The following GMFG variants were observed in gnomAD, a reference collection of about 807,000 sequenced individuals.
GMFG encodes the protein glia maturation factor gamma.
A neutral mutation model predicts 26.1 loss-of-function variants in GMFG; 21 were observed. That is an observed-to-expected ratio of 0.80 (90% confidence interval 0.57 to 1.16). The LOEUF (loss-of-function observed/expected upper bound fraction) is 1.16. Among genes scored for constraint, GMFG ranks in the 50% most tolerant of loss-of-function variants. GMFG has a pLI of 0.00. For missense variants in GMFG, 161 were observed against 178.3 expected (o/e 0.90, Z 0.55); for synonymous variants, 65 against 60.8 (o/e 1.07, Z -0.32).
intron 6 of GMFG, 49 bp downstream of exon 6, chr19:39,328,951 A>T (rs2075214813): frequency 3.8e-6 from 5 of 1,299,746 alleles, no homozygotes; most frequent in Non-Finnish European, 4.5e-6. Context: ...CAGACCCAGG[A>T]CCCACACCAC....
intron 4 of GMFG, 112 bp downstream of exon 4, chr19:39,332,965 A>T: frequency 1.5e-6 from 1 of 680,596 alleles, no homozygotes; most frequent in Non-Finnish European, 2.6e-6. Flanking sequence ...GGCCAAACAC[A>T]GAGATTCAAA....
chr19:39,333,414 C>G (rs2075235175), intron 3 of GMFG, among the ~76,000 whole-genome samples: 4 of 151,824 alleles, frequency 2.6e-5, no homozygotes, highest in Non-Finnish European at 4.4e-5. Context: ...CCACTGCACT[C>G]CAGCCTGGGA....
chr19:39,328,703 A>C (rs1460060902), intron 6 of GMFG, 155 bp from the exon 7 acceptor site: 8 of 629,532 alleles, frequency 1.3e-5, no homozygotes, highest in Non-Finnish European at 2.3e-5. Flanking sequence ...ATATGGTGAA[A>C]CCCTGACTCT....
chr19:39,336,024 T>C lies in GMFG; in HGVS notation c.-48A>G, dbSNP rs1207341316. 1 of 1,564,104 alleles carries C rather than the reference T, an allele frequency of 6.4e-7. No individual in the cohort carries two copies. The highest frequency in any genetic ancestry group is 2.2e-5 in the East Asian group (1 of 44,708). ...TTCTTTTCTTAGTTCCGCTGTCTTC[T>C]AGGCGTGGGGACCGGGGCTGTAGGG... On this transcript the variant is annotated 5_prime_UTR_variant, in exon 1 of 7. Coordinates refer to ENST00000597595, the MANE Select transcript of GMFG (RefSeq NM_004877.4).
intron 1 of GMFG, 102 bp from the exon 2 acceptor site, chr19:39,335,633 G>T: frequency 1.2e-6 from 1 of 835,864 alleles, no homozygotes; most frequent in Non-Finnish European, 2.1e-6. Context: ...GCATCGCGCC[G>T]GCCCATCTGA....
chr19:39,328,500 C>T lies in GMFG; in HGVS notation c.406G>A (p.Glu136Lys), dbSNP rs34035414. 1 of 1,613,188 alleles carries T rather than the reference C, an allele frequency of 6.2e-7. No individual in the cohort carries two copies. Among genetic ancestry groups the T allele is most frequent in the Non-Finnish European group, 8.5e-7 (1 of 1,179,184 alleles). The change falls in exon 7 of 7, where the codon GAA becomes AAA. Residue 136 changes from glutamate (E) to lysine (K), a missense_variant. Transcript: ENST00000597595. ...TDDLTEAWLQ[E>K]KLSFFR ...GATCAACGAAAGAAAGACAACTTTT[C>T]TTGGAGCCAGGCCTCAGTGAGGTCA...
Position 39,336,036 on chromosome 19 carries a change from C to G in GMFG, c.-60G>C. The stretch of plus-strand genomic sequence containing the variant: ...TTCCGCTGTCTTCTAGGCGTGGGGA[C>G]CGGGGCTGTAGGGGGGCGGGCTGTG... On this transcript the variant is annotated 5_prime_UTR_variant, in exon 1 of 7. Transcript: ENST00000597595. 6.9e-7 allele frequency: 1 copy of G among 1,457,320 alleles called. No homozygotes were observed. Among genetic ancestry groups the G allele is most frequent in the Non-Finnish European group, 9.6e-7 (1 of 1,037,940 alleles). 90.3% of individuals were successfully genotyped at this position (1,457,320 alleles called of 1,614,324 possible).
At chr19:39,335,938 G>GC (rs759498683) in intron 1 of GMFG, 36 bp downstream of exon 1, 4 of 1,298,412 alleles carry the variant, frequency 3.1e-6, no homozygotes, top group Non-Finnish European at 4.5e-6. Flanking sequence ...CCCAACCCCA[G>GC]CCCCAGCTCT....
At chr19:39,335,183 T>C (rs2075243934) in intron 3 of GMFG, 78 bp downstream of exon 3, 1 of 1,123,824 alleles carries the variant, frequency 8.9e-7, no homozygotes, top group East Asian at 2.4e-5. Context: ...CATGCCAGGC[T>C]CTTCATATCA....
Position 39,335,568 on chromosome 19 carries a change from G to A in GMFG, c.4-37C>T. On this transcript the variant is annotated intron_variant, in intron 1 of 6. Transcript: ENST00000597595. ...ACCCAGGAAGAGCTGAAATGGCCTGGCCTCAGCCCTCACCCCTTCCCCAAA... is the reference window on the plus strand; with the variant it reads ...ACCCAGGAAGAGCTGAAATGGCCTGACCTCAGCCCTCACCCCTTCCCCAAA... 3 of 1,385,476 alleles carry A rather than the reference G, an allele frequency of 2.2e-6. No homozygotes were observed. The South Asian group carries it at 3.5e-5, about 16-fold the overall frequency. The allele number at this position is 1,385,476 out of a possible 1,614,324, so 85.8% of individuals were successfully genotyped here. A position where few individuals can be genotyped will look rare whatever the true frequency, so the allele number is the denominator to read the frequency against.
intron 3 of GMFG, 35 bp from the exon 4 acceptor site, chr19:39,333,161 G>A (rs1306856102): frequency 6.8e-7 from 1 of 1,469,704 alleles, no homozygotes; most frequent in African/African-American, 1.4e-5. Flanking sequence ...GACAAAGAAT[G>A]AGGCAGGGCG....
chr19:39,335,637 C>A, intron 1 of GMFG, 106 bp from the exon 2 acceptor site: 1 of 806,486 alleles, frequency 1.2e-6, no homozygotes, highest in South Asian at 1.4e-5. Context: ...CGCGCCGGCC[C>A]ATCTGATGCC....
chr19:39,332,559 G>A (rs1326201974), intron 4 of GMFG, among the ~76,000 whole-genome samples: 1 of 148,458 alleles, frequency 6.7e-6, no homozygotes, highest in African/African-American at 2.5e-5. Context: ...CTCTTAAACC[G>A]GTATCATAAA....
rs1307238979 is a variant in GMFG, at chr19:39,335,434, C to T, written c.100+1G>A. On this transcript the variant is annotated splice_donor_variant, in intron 2 of 6. Transcript: ENST00000597595. LOFTEE classifies it high-confidence loss of function. Reference sequence around the variant, plus strand: ...CTTCTGTGGGGGAAGATGTCACTCACTTATGATGGCTGCATTGTCTGTCTC... The same window carrying T: ...CTTCTGTGGGGGAAGATGTCACTCATTTATGATGGCTGCATTGTCTGTCTC... 6.2e-7 allele frequency: 1 copy of T among 1,611,272 alleles called. No individual in the cohort carries two copies. The highest frequency in any genetic ancestry group is 1.3e-5 in the African/African-American group (1 of 74,988).
At chr19:39,335,945 C>G (rs2075248088) in intron 1 of GMFG, 29 bp downstream of exon 1, 3 of 1,490,278 alleles carry the variant, frequency 2.0e-6, no homozygotes, top group South Asian at 1.1e-5. Flanking sequence ...CCAGCCCCAG[C>G]TCTTCCCATA....
chr19:39,329,192 G>A (rs2075216240), intron 5 of GMFG, 119 bp from the exon 6 acceptor site: 2 of 669,626 alleles, frequency 3.0e-6, no homozygotes, highest in South Asian at 3.5e-5. Context: ...TTCTAAGGAG[G>A]TCCCTGCACT....
At position 39,333,100 on chromosome 19, in the gene GMFG, C is replaced by A. The variant is rs2075233752; in HGVS notation, c.177G>T (p.Met59Ile). The A allele has an allele frequency of 1.3e-6, 2 of 1,597,476 alleles. No individual in the cohort carries two copies. Among genetic ancestry groups the A allele is most frequent in the African/African-American group, 1.3e-5 (1 of 74,382 alleles). Residue 59 changes from methionine (M) to isoleucine (I), a missense_variant, in exon 4 of 7, where the codon ATG (methionine) becomes ATT (isoleucine). Met to Ile is a conservative substitution (Grantham distance 10). Coordinates refer to ENST00000597595, the MANE Select transcript of GMFG (RefSeq NM_004877.4). ...ACCTGGGCTGTCTCTCCGGCAACTC[C>A]ATTTTGAGCTCCTCTGGGGAAATGT... ...FQNISPEELK[M>I]ELPERQPRFV...
At position 39,335,502 on chromosome 19, in the gene GMFG, G is replaced by C. The variant is rs765121529; in HGVS notation, c.33C>G (p.Asp11Glu). ...TCCTCAGCTTTTCTGTTAGCTCTGG[G>C]TCTACCTCGCACACCACCAGGGAGT... is the stretch of plus-strand genomic sequence containing the variant. MSDSLVVCEV[D>E]PELTEKLRKF... Residue 11 changes from aspartate to glutamate, a missense_variant, in exon 2 of 7, where the codon GAC (aspartate) becomes GAG (glutamate). Transcript: ENST00000597595. The C allele has an allele frequency of 6.2e-7, 1 of 1,613,836 alleles. No individual in the cohort carries two copies. Among genetic ancestry groups the C allele is most frequent in the South Asian group, 1.1e-5 (1 of 91,086 alleles).
At chr19:39,332,409 C>T (rs962106449) in intron 4 of GMFG, among the ~76,000 whole-genome samples, 1 of 151,522 alleles carries the variant, frequency 6.6e-6, no homozygotes, top group South Asian at 2.1e-4. Flanking sequence ...CTCAGGTGAT[C>T]CTCCCGCCTC....
Sources: gnomAD v4.1 joint callset for allele counts (sites outside exome capture counted in the v4.1 genomes callset) on GRCh38, gnomAD v4.1.1 for gene constraint, MANE v1.5 for transcripts, NCBI Gene and HGNC (gene_info 2026-07-23, HGNC 2026-07-21) for gene names.